FGFR3: variants seen among roughly 807,000 people sequenced by gnomAD.
FGFR3 encodes FGFR-3.
In FGFR3, 25 loss-of-function variants were observed where a neutral mutation model predicts 82.9. The observed-to-expected ratio is 0.30, with a 90% CI of 0.22 to 0.42. The LOEUF (loss-of-function observed/expected upper bound fraction) is 0.42. FGFR3 is among the 10% of genes least tolerant of loss of function. The probability of loss-of-function intolerance (pLI) is 1.00; values close to 1 mark genes in which losing one functional copy is unlikely to be tolerated. For missense variants in FGFR3, 1,026 were observed against 1,161.0 expected, an observed-to-expected ratio of 0.88 and a Z score of 1.69; for synonymous variants, 620 against 516.0, an observed-to-expected ratio of 1.20 and a Z score of -2.73.
Position 1,807,177 on chromosome 4 carries a change from G to A in FGFR3, c.2336G>A (p.Ser779Asn), listed in dbSNP as rs2108817627. The stretch of plus-strand genomic sequence containing the variant: ...TCCCCGGGTGGCCAGGACACCCCCA[G>A]CTCCAGCTCCTCAGGGGACGACTCC... Reference protein sequence around the residue: ...QYSPGGQDTPSSSSSGDDSVF... With the variant: ...QYSPGGQDTPNSSSSGDDSVF... The change falls in exon 18 of 18, where the codon AGC (serine) becomes AAC (asparagine). Residue 779 changes from serine to asparagine, a missense_variant. Ser to Asn is a conservative substitution (Grantham distance 46). Around this residue, in one of 9 missense-constraint regions of FGFR3, gnomAD observed 155 missense variants for 150.2 expected, o/e 1.03. Coordinates refer to ENST00000440486, the MANE Select transcript of FGFR3 (RefSeq NM_000142.5). The A allele has an allele frequency of 6.2e-7, 1 of 1,604,370 alleles. No individual in the cohort carries two copies. The highest frequency in any genetic ancestry group is 8.5e-7 in the Non-Finnish European group (1 of 1,176,198).
At chr4:1,802,799 T>G in intron 7 of FGFR3, 1 of 1,340,674 alleles carries the variant, frequency 7.5e-7, no homozygotes, top group Non-Finnish European at 9.8e-7. Context: ...CAGGCAGCCT[T>G]TGGGGCTGAC....
intron 4 of FGFR3, 92 bp from the exon 5 acceptor site, chr4:1,801,275 G>A: frequency 7.2e-7 from 1 of 1,384,268 alleles, no homozygotes; most frequent in East Asian, 2.5e-5. Context: ...CTGAGGCTGG[G>A]GATGGGCAGG....
intron 7 of FGFR3, chr4:1,802,934 G>A: frequency 1.2e-6 from 2 of 1,602,830 alleles, no homozygotes; most frequent in East Asian, 2.3e-5. Context: ...GTGAGAGTGT[G>A]GAGGCCGACG....
At chr4:1,804,022 GGCCCCCTCA>G (rs144919323) in intron 8 of FGFR3, among the ~76,000 whole-genome samples, 186 bp downstream of exon 8, 1 of 152,306 alleles carries the variant, frequency 6.6e-6, no homozygotes, top group African/African-American at 2.4e-5. Context: ...GTCCCAGAGG[GGCCCCCTCA>G]GCCCCCTCGA....
intron 7 of FGFR3, chr4:1,802,951 T>C: frequency 6.2e-7 from 1 of 1,602,536 alleles, no homozygotes; most frequent in East Asian, 2.3e-5. Flanking sequence ...GACGTGCGCC[T>C]CCGCCTGGCC....
Position 1,804,502 on chromosome 4 carries a change from C to T in FGFR3, c.1248C>T (p.Arg416=), listed in dbSNP as rs2108798279. ...CCCCCACCGTGCACAAGATCTCCCG[C>T]TTCCCGCTCAAGCGACAGGTAACAG... ...LGSPTVHKIS[R]FPLKRQVSLE... Residue 416 remains arginine, a synonymous_variant, in exon 9 of 18, where the codon CGC becomes CGT. Transcript: ENST00000440486. 6.2e-7 allele frequency: 1 copy of T among 1,612,920 alleles called. No homozygotes were observed. The highest frequency in any genetic ancestry group is 8.5e-7 in the Non-Finnish European group (1 of 1,179,948).
rs1399793508 is a variant in FGFR3, at chr4:1,801,730, G to C, written c.726G>C (p.Thr242=). Residue 242 remains threonine, a synonymous_variant, in exon 6 of 18, where the codon ACG becomes ACC. Coordinates refer to ENST00000440486, the MANE Select transcript of FGFR3 (RefSeq NM_000142.5). ...TTGGCAGCATCCGGCAGACGTACAC[G>C]CTGGACGTGCTGGGTGAGGGCCCTG... The part of the protein sequence containing the change: ...NKFGSIRQTY[T]LDVLERSPHR... 4 of 1,605,660 alleles carry C rather than the reference G, an allele frequency of 2.5e-6. No homozygotes were observed. The highest frequency in any genetic ancestry group is 3.4e-6 in the Non-Finnish European group (4 of 1,177,564).
intron 7 of FGFR3, chr4:1,802,784 T>G (rs1721354921): frequency 2.4e-6 from 3 of 1,230,894 alleles, no homozygotes; most frequent in Admixed American, 7.0e-5. Context: ...CCTCCACGCC[T>G]CCTCCAGGCA....
At chr4:1,800,358 G>A (rs1721039299) in intron 4 of FGFR3, among the ~76,000 whole-genome samples, 1 of 152,068 alleles carries the variant, frequency 6.6e-6, no homozygotes, top group African/African-American at 2.4e-5. Context: ...AAGTTGTAGG[G>A]TGGGGAGGTG....
Position 1,805,681 on chromosome 4 carries a change from A to G in FGFR3, c.1645+12A>G. ...CTGCACGCAGGGCGGTAGGTGCGGT[A>G]GCGGCGGTGGTGCCGGCTGGGCGGC... is the stretch of plus-strand genomic sequence containing the variant. On this transcript the variant is annotated intron_variant, in intron 12 of 17. Transcript: ENST00000440486. 1.2e-6 allele frequency: 2 copies of G among 1,611,908 alleles called. No homozygotes were observed. Among genetic ancestry groups the G allele is most frequent in the South Asian group, 2.2e-5 (2 of 91,008 alleles).
In FGFR3 at chr4:1,807,419, GC is replaced by G; in HGVS notation, c.*158del. On this transcript the variant is annotated 3_prime_UTR_variant, in exon 18 of 18. Coordinates refer to ENST00000440486, the MANE Select transcript of FGFR3 (RefSeq NM_000142.5). Reference sequence around the variant, plus strand: ...TGTGTGCGTGTGTGTGTGTGTGTGTGCACATCCGCGTGTGCCTGTGTGCGTG... The same window carrying G: ...TGTGTGCGTGTGTGTGTGTGTGTGTGACATCCGCGTGTGCCTGTGTGCGTG... 1.2e-6 allele frequency: 1 copy of G among 836,296 alleles called. No individual in the cohort carries two copies. Among genetic ancestry groups the G allele is most frequent in the Non-Finnish European group, 1.9e-6 (1 of 525,804 alleles). 51.8% of individuals were successfully genotyped at this position (836,296 alleles called of 1,614,324 possible).
intron 2 of FGFR3, among the ~76,000 whole-genome samples, chr4:1,795,928 G>A (rs1339495180): frequency 1.3e-5 from 2 of 152,170 alleles, no homozygotes; most frequent in Non-Finnish European, 2.9e-5. Context: ...TGGCCTCCAG[G>A]TCCTTGTGTG....
At chr4:1,795,974 C>T (rs1720464832) in intron 2 of FGFR3, among the ~76,000 whole-genome samples, 1 of 152,190 alleles carries the variant, frequency 6.6e-6, no homozygotes, top group African/African-American at 2.4e-5. Context: ...CCCCCAGCTC[C>T]CCAGCCCTCA....
intron 10 of FGFR3, 30 bp downstream of exon 10, chr4:1,804,999 G>T: frequency 1.3e-6 from 2 of 1,531,270 alleles, no homozygotes; most frequent in Non-Finnish European, 8.8e-7. Context: ...AGCGTTGGCT[G>T]TAGGGGGCTT....
intron 2 of FGFR3, among the ~76,000 whole-genome samples, chr4:1,796,238 C>T (rs1054448863): frequency 2.6e-5 from 4 of 152,160 alleles, no homozygotes; most frequent in Non-Finnish European, 4.4e-5. Context: ...CCTCAGTTTC[C>T]TTACCTGTCC....
At chr4:1,799,146 T>A in intron 2 of FGFR3, 108 bp from the exon 3 acceptor site, 1 of 1,489,046 alleles carries the variant, frequency 6.7e-7, no homozygotes, top group Non-Finnish European at 9.3e-7. Flanking sequence ...ACCCTGGATC[T>A]GGGTCAGAGC....
At chr4:1,803,649 G>A (rs902973070) in intron 7 of FGFR3, 43 bp from the exon 8 acceptor site, 2 of 1,604,898 alleles carry the variant, frequency 1.2e-6, no homozygotes, top group Non-Finnish European at 1.7e-6. Context: ...GTGCCCGCAG[G>A]GCGGTGCTGG....
intron 10 of FGFR3, 52 bp from the exon 11 acceptor site, chr4:1,805,303 G>A (rs1448647236): frequency 6.2e-7 from 1 of 1,603,454 alleles, no homozygotes; most frequent in Non-Finnish European, 8.5e-7. Flanking sequence ...ACCGTGGTGG[G>A]CTGAGAGTGG....
intron 2 of FGFR3, among the ~76,000 whole-genome samples, chr4:1,794,729 G>C (rs1577255238): frequency 6.6e-6 from 1 of 152,184 alleles, no homozygotes; most frequent in East Asian, 1.9e-4. Context: ...GAGGGGAAGG[G>C]GCGCCCGGCC....
Sources: gnomAD v4.1 joint callset for allele counts (sites outside exome capture counted in the v4.1 genomes callset) on GRCh38, gnomAD v4.1.1 for gene constraint, gnomAD v4.1.1 regional missense constraint, MANE v1.5 for transcripts, NCBI Gene and HGNC (gene_info 2026-07-23, HGNC 2026-07-21) for gene names.